NAT1: variants seen among roughly 807,000 people sequenced by gnomAD.
NAT1 encodes arylamine N-acetyltransferase 1.
For missense variants in NAT1, 400 were observed against 339.2 expected, an observed-to-expected ratio of 1.18 and a Z score of -1.41; for synonymous variants, 144 against 122.6, an observed-to-expected ratio of 1.17 and a Z score of -1.16.
upstream of NAT1, among the ~76,000 whole-genome samples, chr8:18,205,697 C>T (rs1467177774): frequency 6.6e-6 from 1 of 152,198 alleles, no homozygotes; most frequent in African/African-American, 2.4e-5. Flanking sequence ...AGGAGTTGCA[C>T]TGGGCCCTAG....
At chr8:18,209,527 A>G (rs922214107), upstream of NAT1, among the ~76,000 whole-genome samples, 11 of 152,216 alleles carry the variant, frequency 7.2e-5, no homozygotes, top group African/African-American at 2.7e-4. Flanking sequence ...GTTGTAGATC[A>G]ATACCATGAA....
chr8:18,208,118 T>G (rs1589097340), upstream of NAT1, among the ~76,000 whole-genome samples: 6 of 138,592 alleles, frequency 4.3e-5, no homozygotes, highest in African/African-American at 8.0e-5. Context: ...CCCGTTGGGG[T>G]GAGGAGGGTG....
chr8:18,196,962 G>C (rs568996010), intron 2 of NAT1, among the ~76,000 whole-genome samples: 11 of 152,266 alleles, frequency 7.2e-5, no homozygotes, highest in African/African-American at 2.6e-4. Flanking sequence ...ATGAAGGAAA[G>C]AGGTTTCGTT....
At chr8:18,179,712 T>G (rs1387510490) in intron 2 of NAT1, among the ~76,000 whole-genome samples, 1 of 151,984 alleles carries the variant, frequency 6.6e-6, no homozygotes, top group African/African-American at 2.4e-5. Context: ...GCATACTTCT[T>G]TAGTCAATCA....
At chr8:18,171,280 T>C (rs1589042819) in intron 2 of NAT1, among the ~76,000 whole-genome samples, 1 of 152,194 alleles carries the variant, frequency 6.6e-6, no homozygotes, top group African/African-American at 2.4e-5. Context: ...TTGTGAGGCA[T>C]ATTCAGAAAA....
intron 2 of NAT1, among the ~76,000 whole-genome samples, chr8:18,178,733 C>T (rs1159533481): frequency 1.3e-5 from 2 of 152,126 alleles, no homozygotes; most frequent in Non-Finnish European, 2.9e-5. Context: ...GATAAAATAT[C>T]AGGACTGTAA....
At chr8:18,220,052 G>A (rs1290961117) in intron 2 of NAT1, among the ~76,000 whole-genome samples, 1 of 152,208 alleles carries the variant, frequency 6.6e-6, no homozygotes, top group Non-Finnish European at 1.5e-5. Flanking sequence ...CGTCCTTTTA[G>A]ATCGGCTTCT....
At chr8:18,189,009 A>AAAAAAAAAAAAAG (rs1329509282) in intron 2 of NAT1, among the ~76,000 whole-genome samples, 5 of 149,130 alleles carry the variant, frequency 3.4e-5, no homozygotes, top group Non-Finnish European at 5.9e-5. Flanking sequence ...AAAAAAAAAA[A>AAAAAAAAAAAAAG]AAAGAAAGAA....
Position 18,222,833 on chromosome 8 carries a change from A to G in NAT1, c.786A>G (p.Glu262=). 1 of 1,604,730 alleles carries G rather than the reference A, an allele frequency of 6.2e-7. No homozygotes were observed. Among genetic ancestry groups the G allele is most frequent in the Non-Finnish European group, 8.5e-7 (1 of 1,177,396 alleles). Residue 262 remains glutamate, a synonymous_variant, in exon 3 of 3, where the codon GAA becomes GAG. Coordinates refer to ENST00000307719, the MANE Select transcript of NAT1 (RefSeq NM_000662.8). The stretch of plus-strand genomic sequence containing the variant: ...AGTTCAAGACTCTGAGTGAGGAAGA[A>G]ATAGAAAAAGTGCTGAAAAATATAT... ...LIEFKTLSEE[E]IEKVLKNIFN...
chr8:18,222,524 G>C lies in NAT1; in HGVS notation c.477G>C (p.Trp159Cys), dbSNP rs777706725. Residue 159 changes from tryptophan to cysteine, a missense_variant, in exon 3 of 3, where the codon TGG becomes TGC. Transcript: ENST00000307719. ...VFRLTEENGF[W>C]YLDQIRREQY... Reference sequence around the variant, plus strand: ...GTTTGACGGAAGAGAATGGATTCTGGTATCTAGACCAAATCAGAAGGGAAC... The same window carrying C: ...GTTTGACGGAAGAGAATGGATTCTGCTATCTAGACCAAATCAGAAGGGAAC... 3 of 1,613,982 alleles carry C rather than the reference G, an allele frequency of 1.9e-6. No individual in the cohort carries two copies. The highest frequency in any genetic ancestry group is 2.5e-6 in the Non-Finnish European group (3 of 1,180,012).
chr8:18,195,202 C>A (rs1343016658), intron 2 of NAT1, among the ~76,000 whole-genome samples: 1 of 152,184 alleles, frequency 6.6e-6, no homozygotes, highest in Non-Finnish European at 1.5e-5. Context: ...TATGCAGAAT[C>A]TCTCTAAGAT....
chr8:18,198,426 T>G (rs1447256322), intron 2 of NAT1, among the ~76,000 whole-genome samples: 1 of 152,176 alleles, frequency 6.6e-6, no homozygotes, highest in African/African-American at 2.4e-5. Context: ...TCCCCTTCTA[T>G]CAGAGAATAA....
At chr8:18,175,478 T>A (rs1214249437) in intron 2 of NAT1, among the ~76,000 whole-genome samples, 2 of 152,140 alleles carry the variant, frequency 1.3e-5, no homozygotes, top group Non-Finnish European at 2.9e-5. Context: ...TTTGTTTCCA[T>A]GACTGGCTTA....
chr8:18,222,752 G>A lies in NAT1; in HGVS notation c.705G>A (p.Val235=), dbSNP rs1052395462. 8.1e-6 allele frequency: 13 copies of A among 1,613,748 alleles called. No individual in the cohort carries two copies. Among genetic ancestry groups the A allele is most frequent in the African/African-American group, 1.3e-5 (1 of 74,986 alleles). The part of the protein sequence containing the change: ...LQTPDGVHCL[V]GFTLTHRRFN... The stretch of plus-strand genomic sequence containing the variant: ...CCCCAGATGGGGTTCACTGTTTGGT[G>A]GGCTTCACCCTCACCCATAGGAGAT... Residue 235 remains valine, a synonymous_variant, in exon 3 of 3, where the codon GTG becomes GTA. Transcript: ENST00000307719.
chr8:18,185,585 C>G (rs1404920337), intron 2 of NAT1, among the ~76,000 whole-genome samples: 1 of 152,058 alleles, frequency 6.6e-6, no homozygotes. Context: ...ATCCATATTA[C>G]TAGTCTTTAA....
intron 2 of NAT1, among the ~76,000 whole-genome samples, chr8:18,194,639 G>A (rs1181911244): frequency 6.6e-6 from 1 of 151,962 alleles, no homozygotes; most frequent in Non-Finnish European, 1.5e-5. Context: ...GGCCAACATG[G>A]TAAAACTCTG....
At position 18,222,677 on chromosome 8, in the gene NAT1, GA is replaced by G; in HGVS notation, c.631del (p.Thr211HisfsTer42). 6.2e-7 allele frequency: 1 copy of G among 1,613,996 alleles called. No homozygotes were observed. Among genetic ancestry groups the G allele is most frequent in the Non-Finnish European group, 8.5e-7 (1 of 1,179,986 alleles). On this transcript the variant is annotated frameshift_variant, in exon 3 of 3. Coordinates refer to ENST00000307719, the MANE Select transcript of NAT1 (RefSeq NM_000662.8). LOFTEE classifies it low-confidence loss of function (END_TRUNC). ...TTGAGTCTATGAATACATACCTGCA[GA>G]CATCTCCATCATCTGTGTTTACTAG... The part of the protein sequence containing the change: ...DFESMNTYLQ[T>X]SPSSVFTSKS...
At chr8:18,215,356 T>C (rs1034136891) in intron 1 of NAT1, among the ~76,000 whole-genome samples, 1 of 152,238 alleles carries the variant, frequency 6.6e-6, no homozygotes, top group African/African-American at 2.4e-5. Flanking sequence ...TATTCTATCT[T>C]AATTGCTTTA....
In NAT1 at chr8:18,185,643, C is replaced by G. The variant is rs547836695; in HGVS notation, n.92+14904C>G. 7.8e-4 allele frequency among the ~76,000 whole-genome samples: 119 copies of G among 152,106 alleles called. 1 individual carries two copies. Among genetic ancestry groups the G allele is most frequent in the Middle Eastern group, 3.4e-3 (1 of 294 alleles). ...GTTGTTTTCTTTTTCATAATTTCCACTATCTTTATTCTTTTCATTCATTCT... is the reference window on the plus strand; with the variant it reads ...GTTGTTTTCTTTTTCATAATTTCCAGTATCTTTATTCTTTTCATTCATTCT... On this transcript the variant is annotated intron_variant and non_coding_transcript_variant, in intron 2 of 4. Coordinates refer to the NAT1 transcript ENST00000517441.
Sources: allele counts gnomAD v4.1 joint callset (sites outside exome capture counted in the v4.1 genomes callset), GRCh38; gene constraint gnomAD v4.1.1; transcripts MANE v1.5; gene names NCBI Gene and HGNC (gene_info 2026-07-23, HGNC 2026-07-21).